The following SLC5A3 variants were observed in gnomAD, a reference collection of about 807,000 sequenced individuals.
SLC5A3 encodes the protein solute carrier family 5 member 3.
In SLC5A3, 10 loss-of-function variants were observed where a neutral mutation model predicts 43.2. The ratio of observed to expected loss-of-function variants is 0.23; its 90% confidence interval spans 0.14 to 0.39. The LOEUF (loss-of-function observed/expected upper bound fraction) is 0.39, where lower values mean the gene tolerates loss of function less well. Among genes scored for constraint, SLC5A3 ranks in the 10% least tolerant of loss-of-function variants. The pLI is 1.00. For synonymous variants in SLC5A3, 349 were observed against 322.0 expected (o/e 1.08, Z -0.90); for missense variants, 608 against 893.4 (o/e 0.68, Z 4.07).
At chr21:34,082,098 A>G (rs1332087224) in intron 1 of SLC5A3, among the ~76,000 whole-genome samples, 1 of 151,334 alleles carries the variant, frequency 6.6e-6, no homozygotes, top group Non-Finnish European at 1.5e-5. Flanking sequence ...ATACTTAGGT[A>G]CCATGGATCA....
rs1040072629 is a variant in SLC5A3, at chr21:34,097,921, A to C, written c.*566A>C. ...CTACGGATTCTGATTTCCCAAAGAA[A>C]GAATGTTTTCCTGTAGGTATTTTTG... On this transcript the variant is annotated 3_prime_UTR_variant, in exon 2 of 2. Coordinates refer to ENST00000381151, the MANE Select transcript of SLC5A3 (RefSeq NM_006933.7). 2.0e-6 allele frequency: 2 copies of C among 997,150 alleles called. No individual in the cohort carries two copies. The highest frequency in any genetic ancestry group is 3.5e-5 in the African/African-American group (2 of 57,182). The allele number at this position is 997,150 out of a possible 1,614,324, so 61.8% of individuals were successfully genotyped here. A position where few individuals can be genotyped will look rare whatever the true frequency, so the allele number is the denominator to read the frequency against.
At position 34,105,629 on chromosome 21, in the gene SLC5A3, G is replaced by A; in HGVS notation, c.*8274G>A. On this transcript the variant is annotated 3_prime_UTR_variant, in exon 2 of 2. Coordinates refer to ENST00000381151, the MANE Select transcript of SLC5A3 (RefSeq NM_006933.7). ...TATATTGTGTACATGTGTCATTTTAGTTAGGCATTGTAGGCCAAATGTGAT... is the reference window on the plus strand; with the variant it reads ...TATATTGTGTACATGTGTCATTTTAATTAGGCATTGTAGGCCAAATGTGAT... 1.2e-5 allele frequency: 12 copies of A among 999,934 alleles called. No homozygotes were observed. The highest frequency in any genetic ancestry group is 1.4e-5 in the Non-Finnish European group (12 of 829,742). The allele number at this position is 999,934 out of a possible 1,614,324, so 61.9% of individuals were successfully genotyped here. A position where few individuals can be genotyped will look rare whatever the true frequency, so the allele number is the denominator to read the frequency against.
Position 34,102,215 on chromosome 21 carries a change from A to G in SLC5A3, c.*4860A>G, listed in dbSNP as rs1407603693. The G allele has an allele frequency of 1.0e-6, 1 of 999,816 alleles. No individual in the cohort carries two copies. 61.9% of individuals were successfully genotyped at this position (999,816 alleles called of 1,614,324 possible). ...CTAGGAGAGAATTTAGTTAAGGTTC[A>G]AAGTAATTAACTGGCTTTGCCAGTG... On this transcript the variant is annotated 3_prime_UTR_variant, in exon 2 of 2. Coordinates refer to ENST00000381151, the MANE Select transcript of SLC5A3 (RefSeq NM_006933.7).
intron 1 of SLC5A3, among the ~76,000 whole-genome samples, chr21:34,076,273 C>T (rs1602898412): frequency 6.6e-6 from 1 of 152,232 alleles, no homozygotes; most frequent in Non-Finnish European, 1.5e-5. Flanking sequence ...CCTCCCTGTC[C>T]TCATTACTTT....
Position 34,098,568 on chromosome 21 carries a change from C to G in SLC5A3, c.*1213C>G. ...TTCAGTGCAAACTGGCCGTCGGTAA[C>G]AGAAAACTCAGTGCATACTTTGCTG... On this transcript the variant is annotated 3_prime_UTR_variant, in exon 2 of 2. Coordinates refer to ENST00000381151, the MANE Select transcript of SLC5A3 (RefSeq NM_006933.7). The G allele has an allele frequency of 2.0e-6, 2 of 1,000,206 alleles. No homozygotes were observed. Among genetic ancestry groups the G allele is most frequent in the Non-Finnish European group, 2.4e-6 (2 of 829,986 alleles). The allele number at this position is 1,000,206 out of a possible 1,614,324, so 62.0% of individuals were successfully genotyped here.
chr21:34,101,205 G>A lies in SLC5A3; in HGVS notation c.*3850G>A. The A allele has an allele frequency of 2.0e-6, 2 of 1,000,044 alleles. No homozygotes were observed. The highest frequency in any genetic ancestry group is 2.4e-6 in the Non-Finnish European group (2 of 829,888). 61.9% of individuals were successfully genotyped at this position (1,000,044 alleles called of 1,614,324 possible). On this transcript the variant is annotated 3_prime_UTR_variant, in exon 2 of 2. Transcript: ENST00000381151. ...CGTTGGTAAAAGACAACAAATATTA[G>A]CTTAAAATCTGCATATGTAGAATCA...
In SLC5A3 at chr21:34,098,433, C is replaced by A; in HGVS notation, c.*1078C>A. The stretch of plus-strand genomic sequence containing the variant: ...TAGAGGGAAAATTTAATTCTGATAT[C>A]TTATTGCATCCTTGATAAGTTTTTC... On this transcript the variant is annotated 3_prime_UTR_variant, in exon 2 of 2. Transcript: ENST00000381151. 1.0e-6 allele frequency: 1 copy of A among 999,914 alleles called. No homozygotes were observed. The highest frequency in any genetic ancestry group is 1.2e-6 in the Non-Finnish European group (1 of 829,788). 61.9% of individuals were successfully genotyped at this position (999,914 alleles called of 1,614,324 possible).
chr21:34,077,168 T>C (rs573905102), intron 1 of SLC5A3, among the ~76,000 whole-genome samples: 2 of 152,346 alleles, frequency 1.3e-5, no homozygotes, highest in South Asian at 2.1e-4. Context: ...TTTCACTTGA[T>C]AATTAGATTT....
chr21:34,098,747 T>TG lies in SLC5A3; in HGVS notation c.*1393dup. On this transcript the variant is annotated 3_prime_UTR_variant, in exon 2 of 2. Coordinates refer to ENST00000381151, the MANE Select transcript of SLC5A3 (RefSeq NM_006933.7). ...AACTTGACATGGCTTGGCACCCACT[T>TG]GCAGCTAGTGGGTACAGGGTACAAA... The TG allele has an allele frequency of 1.0e-6, 1 of 1,000,212 alleles. No individual in the cohort carries two copies. The highest frequency in any genetic ancestry group is 1.2e-6 in the Non-Finnish European group (1 of 829,952). 62.0% of individuals were successfully genotyped at this position (1,000,212 alleles called of 1,614,324 possible).
intron 1 of SLC5A3, among the ~76,000 whole-genome samples, chr21:34,076,429 T>C (rs1279336790): frequency 1.3e-5 from 2 of 152,216 alleles, no homozygotes; most frequent in Admixed American, 1.3e-4. Context: ...GAGTGTATTA[T>C]GTAGAGTCAG....
rs1183366029 is a variant in SLC5A3 at position 34,100,611 on chromosome 21, T to G, written c.*3256T>G. 1.0e-6 allele frequency: 1 copy of G among 1,000,124 alleles called. No individual in the cohort carries two copies. Among genetic ancestry groups the G allele is most frequent in the African/African-American group, 1.7e-5 (1 of 57,238 alleles). The allele number at this position is 1,000,124 out of a possible 1,614,324, so 62.0% of individuals were successfully genotyped here. Reference sequence around the variant, plus strand: ...AGCCATAGCTCTTAGGGATGATACCTCAAGAAATTAGCTGGGACCCATCAC... The same window carrying G: ...AGCCATAGCTCTTAGGGATGATACCGCAAGAAATTAGCTGGGACCCATCAC... On this transcript the variant is annotated 3_prime_UTR_variant, in exon 2 of 2. Transcript: ENST00000381151.
Position 34,097,287 on chromosome 21 carries a change from A to T in SLC5A3, c.2089A>T (p.Ile697Leu). Residue 697 changes from isoleucine (I) to leucine (L), a missense_variant, in exon 2 of 2, where the codon ATA (isoleucine) becomes TTA (leucine). Transcript: ENST00000381151. ...MLEETRQVKV[I>L]LNIGLFAVCS... ...AGAAGAGACTCGGCAAGTTAAAGTAATACTAAATATTGGACTTTTTGCTGT... is the reference window on the plus strand; with the variant it reads ...AGAAGAGACTCGGCAAGTTAAAGTATTACTAAATATTGGACTTTTTGCTGT... The T allele has an allele frequency of 6.2e-7, 1 of 1,612,570 alleles. No individual in the cohort carries two copies. The highest frequency in any genetic ancestry group is 1.1e-5 in the South Asian group (1 of 90,726).
chr21:34,089,568 G>A (rs766201647), intron 1 of SLC5A3, among the ~76,000 whole-genome samples: 5 of 152,190 alleles, frequency 3.3e-5, no homozygotes, highest in Non-Finnish European at 7.3e-5. Flanking sequence ...TATGGATGAA[G>A]TAAATCTGGT....
Position 34,101,153 on chromosome 21 carries a change from A to T in SLC5A3, c.*3798A>T. ...ATCAGAAAAATGATTAAGTGAGATA[A>T]GTACCTGGGTGACACAGATATTAGC... On this transcript the variant is annotated 3_prime_UTR_variant, in exon 2 of 2. Transcript: ENST00000381151. 1 of 1,000,198 alleles carries T rather than the reference A, an allele frequency of 1.0e-6. No individual in the cohort carries two copies. The highest frequency in any genetic ancestry group is 4.7e-5 in the South Asian group (1 of 21,286). 62.0% of individuals were successfully genotyped at this position (1,000,198 alleles called of 1,614,324 possible). A position where few individuals can be genotyped will look rare whatever the true frequency, so the allele number is the denominator to read the frequency against.
chr21:34,090,743 G>C (rs1978642941), intron 1 of SLC5A3, among the ~76,000 whole-genome samples: 1 of 152,268 alleles, frequency 6.6e-6, no homozygotes, highest in Middle Eastern at 3.4e-3. Context: ...GGAGCAAGTT[G>C]GTTTCATTTT....
chr21:34,094,648 C>T (rs1424216188), intron 1 of SLC5A3, among the ~76,000 whole-genome samples: 1 of 152,118 alleles, frequency 6.6e-6, no homozygotes, highest in East Asian at 1.9e-4. Context: ...AATTTCTGTC[C>T]TCAGCTCAAA....
rs1398179162 is a variant in SLC5A3, at chr21:34,099,187, G to A, written c.*1832G>A. The A allele has an allele frequency of 2.5e-5, 25 of 999,616 alleles. No homozygotes were observed. Among genetic ancestry groups the A allele is most frequent in the Non-Finnish European group, 3.0e-5 (25 of 829,740 alleles). The allele number at this position is 999,616 out of a possible 1,614,324, so 61.9% of individuals were successfully genotyped here. ...ATTTCTGAAGAGCTTAGAGTGCCTTGTAGAATTTTTTTCTCAATTTTATTC... is the reference window on the plus strand; with the variant it reads ...ATTTCTGAAGAGCTTAGAGTGCCTTATAGAATTTTTTTCTCAATTTTATTC... On this transcript the variant is annotated 3_prime_UTR_variant, in exon 2 of 2. Coordinates refer to ENST00000381151, the MANE Select transcript of SLC5A3 (RefSeq NM_006933.7).
rs1378413565 is a variant in SLC5A3 at position 34,085,501 on chromosome 21, G to A, written c.-336-9362G>A. Reference sequence around the variant, plus strand: ...TTTCCAACAATCTGCATTGGTTTTAGCATCTGTTGGTGACTGAATCAGTTA... The same window carrying A: ...TTTCCAACAATCTGCATTGGTTTTAACATCTGTTGGTGACTGAATCAGTTA... On this transcript the variant is annotated intron_variant, in intron 1 of 1. Coordinates refer to ENST00000381151, the MANE Select transcript of SLC5A3 (RefSeq NM_006933.7). Among the ~76,000 whole-genome samples, 3 of 152,060 alleles carry A rather than the reference G, an allele frequency of 2.0e-5. No homozygotes were observed. The East Asian group carries it at 5.8e-4, about 29-fold the overall frequency.
At chr21:34,082,910 A>T (rs763456776) in intron 1 of SLC5A3, among the ~76,000 whole-genome samples, 18 of 152,182 alleles carry the variant, frequency 1.2e-4, no homozygotes, top group Non-Finnish European at 2.1e-4. Context: ...ATTTCTGTCC[A>T]CTTTGGGCAT....
Sources: allele counts gnomAD v4.1 joint callset (sites outside exome capture counted in the v4.1 genomes callset), GRCh38; gene constraint gnomAD v4.1.1; transcripts MANE v1.5; gene names NCBI Gene and HGNC (gene_info 2026-07-23, HGNC 2026-07-21).